Variants in GRID2 observed in about 807,000 individuals in gnomAD.
GRID2 encodes glutamate receptor ionotropic, delta-2.
GRID2 carries 33 observed loss-of-function variants against 114.8 expected under a neutral mutation model. The ratio of observed to expected loss-of-function variants is 0.29; its 90% CI spans 0.22 to 0.38. The LOEUF (loss-of-function observed/expected upper bound fraction) is 0.38. GRID2 is among the 10% of genes least tolerant of loss of function. GRID2 has a pLI of 1.00. For synonymous variants in GRID2, 505 were observed against 449.9 expected (o/e 1.12, Z -1.55); for missense variants, 1,184 against 1,257.7 (o/e 0.94, Z 0.89).
intron 1 of GRID2, among the ~76,000 whole-genome samples, chr4:92,423,296 G>A (rs1731996088): frequency 6.6e-6 from 1 of 152,126 alleles, no homozygotes; most frequent in South Asian, 2.1e-4. Flanking sequence ...AAATAAGTGA[G>A]TTTTGGCAGT....
At chr4:92,760,625 A>C (rs1425597076) in intron 2 of GRID2, among the ~76,000 whole-genome samples, 1 of 152,118 alleles carries the variant, frequency 6.6e-6, no homozygotes, top group Admixed American at 6.5e-5. Context: ...CACACTGCCA[A>C]ATTGGTGTTG....
At chr4:93,193,668 T>G (rs1022068495) in intron 4 of GRID2, among the ~76,000 whole-genome samples, 1 of 152,228 alleles carries the variant, frequency 6.6e-6, no homozygotes, top group African/African-American at 2.4e-5. Flanking sequence ...CCTTATTTGC[T>G]CTTTTCCTTT....
At chr4:93,255,970 T>C (rs978597090) in intron 8 of GRID2, among the ~76,000 whole-genome samples, 1 of 152,092 alleles carries the variant, frequency 6.6e-6, no homozygotes, top group African/African-American at 2.4e-5. Context: ...AAAAATCTAT[T>C]TTAAAAAACC....
chr4:93,146,704 A>T (rs1272715780), intron 4 of GRID2, among the ~76,000 whole-genome samples: 7 of 1,632 alleles, frequency 4.3e-3, no homozygotes, highest in African/African-American at 0.012. Context: ...AAGTGATTTA[A>T]AAAAAAAAAA....
At chr4:93,421,615 G>A (rs574252040) in intron 9 of GRID2, among the ~76,000 whole-genome samples, 1 of 152,056 alleles carries the variant, frequency 6.6e-6, no homozygotes, top group Admixed American at 6.5e-5. Flanking sequence ...TGGTTACATT[G>A]TTTTTTATCA....
In GRID2 at chr4:92,755,924, T is replaced by C. The variant is rs1737696820; in HGVS notation, c.244+165638T>C. 4.6e-5 allele frequency among the ~76,000 whole-genome samples: 7 copies of C among 152,196 alleles called. No individual in the cohort carries two copies. In the South Asian group the frequency reaches 1.4e-3, roughly 31 times the overall value. On this transcript the variant is annotated intron_variant, in intron 2 of 15. Transcript: ENST00000282020. ...AATGATCAAGTCAGGGTAGCTAAGA[T>C]GGTCATCACCATGAGCATTTATCTT...
At chr4:93,299,256 G>C (rs1172491257) in intron 8 of GRID2, among the ~76,000 whole-genome samples, 2 of 152,060 alleles carry the variant, frequency 1.3e-5, no homozygotes, top group African/African-American at 2.4e-5. Context: ...GAGGAAAATA[G>C]ATACAGATAC....
At chr4:93,497,651 A>T (rs193272504) in intron 12 of GRID2, among the ~76,000 whole-genome samples, 41 of 151,930 alleles carry the variant, frequency 2.7e-4, no homozygotes, top group Admixed American at 1.3e-3. Context: ...GTACAAAAAA[A>T]AAAATCTGTT....
chr4:93,005,349 A>G (rs984551407), intron 2 of GRID2, among the ~76,000 whole-genome samples: 2 of 152,158 alleles, frequency 1.3e-5, no homozygotes, highest in South Asian at 4.1e-4. Flanking sequence ...TACAGACTTT[A>G]TACCAAATTC....
intron 1 of GRID2, among the ~76,000 whole-genome samples, chr4:92,583,874 C>CAT (rs1200398037): frequency 6.7e-6 from 1 of 148,806 alleles, no homozygotes; most frequent in Non-Finnish European, 1.5e-5. Context: ...AATATATACA[C>CAT]ATATGCATAT....
At chr4:92,315,346 G>T (rs1465373402) in intron 1 of GRID2, among the ~76,000 whole-genome samples, 2 of 152,162 alleles carry the variant, frequency 1.3e-5, no homozygotes, top group Non-Finnish European at 2.9e-5. Context: ...AACAATGAGA[G>T]GGTAGGAGTC....
intron 2 of GRID2, among the ~76,000 whole-genome samples, chr4:92,894,548 G>A (rs1252617085): frequency 1.3e-5 from 2 of 152,124 alleles, no homozygotes; most frequent in Non-Finnish European, 2.9e-5. Context: ...GAATATTGGT[G>A]ATTGCAGTAA....
Position 93,214,868 on chromosome 4 carries a change from A to C in GRID2, c.790-1870A>C, listed in dbSNP as rs530674868. ...TTTACAGTTTTAATTTCTACCATTCATAAATATTAATCTAAATAATTCCTG... is the reference window on the plus strand; with the variant it reads ...TTTACAGTTTTAATTTCTACCATTCCTAAATATTAATCTAAATAATTCCTG... On this transcript the variant is annotated intron_variant, in intron 5 of 15. Transcript: ENST00000282020. Among the ~76,000 whole-genome samples, 171 of 152,182 alleles carry C rather than the reference A, an allele frequency of 1.1e-3. 1 individual carries two copies. Among genetic ancestry groups the C allele is most frequent in the Non-Finnish European group, 1.9e-3 (130 of 67,912 alleles).
At chr4:93,466,773 CT>C (rs1724315774) in intron 11 of GRID2, among the ~76,000 whole-genome samples, 1 of 152,076 alleles carries the variant, frequency 6.6e-6, no homozygotes, top group African/African-American at 2.4e-5. Flanking sequence ...AGTATCAATA[CT>C]AAAAACTAAA....
intron 4 of GRID2, among the ~76,000 whole-genome samples, chr4:93,183,509 T>G (rs1740102683): frequency 6.6e-6 from 1 of 152,088 alleles, no homozygotes; most frequent in African/African-American, 2.4e-5. Context: ...CAATAGAGGG[T>G]CCATTAGGGA....
intron 2 of GRID2, among the ~76,000 whole-genome samples, chr4:93,028,330 A>AG (rs1724071981): frequency 1.3e-5 from 2 of 151,978 alleles, no homozygotes; most frequent in South Asian, 4.1e-4. Flanking sequence ...AAGCCTTTAG[A>AG]GGGGGTGGGG....
chr4:93,246,038 A>T (rs193131145), intron 8 of GRID2, among the ~76,000 whole-genome samples: 82 of 152,314 alleles, frequency 5.4e-4, no homozygotes, highest in Admixed American at 1.2e-3. Context: ...ATGAAACACT[A>T]ACTTTTTTGT....
intron 2 of GRID2, among the ~76,000 whole-genome samples, chr4:92,693,173 T>G (rs1375174975): frequency 1.3e-5 from 2 of 152,044 alleles, no homozygotes; most frequent in African/African-American, 4.8e-5. Context: ...TTTAATAGAC[T>G]TCAAAATGGA....
chr4:92,412,454 T>C (rs1403281354), intron 1 of GRID2, among the ~76,000 whole-genome samples: 2 of 152,194 alleles, frequency 1.3e-5, no homozygotes, highest in Non-Finnish European at 2.9e-5. Flanking sequence ...ACAACATTTA[T>C]ATTTTTCTCT....
Sources: allele counts gnomAD v4.1 joint callset (sites outside exome capture counted in the v4.1 genomes callset), GRCh38; gene constraint gnomAD v4.1.1; transcripts MANE v1.5; gene names NCBI Gene and HGNC (gene_info 2026-07-23, HGNC 2026-07-21).